Variants in PARP16 observed in about 807,000 individuals in gnomAD.
PARP16 encodes the protein protein mono-ADP-ribosyltransferase PARP16.
PARP16 carries 31 observed loss-of-function variants against 35.0 expected under a neutral mutation model. That is an observed-to-expected ratio of 0.88 (90% CI 0.66 to 1.19). The LOEUF (loss-of-function observed/expected upper bound fraction) is 1.19. Among genes scored for constraint, PARP16 ranks in the 50% most tolerant of loss-of-function variants. The probability of loss-of-function intolerance (pLI) is 0.00; values close to 1 mark genes in which losing one functional copy is unlikely to be tolerated. For synonymous variants in PARP16, 162 were observed against 169.5 expected (o/e 0.96, Z 0.34); for missense variants, 424 against 411.2 (o/e 1.03, Z -0.27).
At chr15:65,253,301 G>C (rs1252026551), downstream of PARP16, among the ~76,000 whole-genome samples, 4 of 151,922 alleles carry the variant, frequency 2.6e-5, no homozygotes, top group Admixed American at 2.6e-4. Context: ...ACAATGTCTT[G>C]TCAATGCATT....
chr15:65,274,363 C>G (rs563845559), intron 1 of PARP16, among the ~76,000 whole-genome samples: 2 of 151,702 alleles, frequency 1.3e-5, no homozygotes, highest in African/African-American at 2.4e-5. Context: ...GTGCTCAACA[C>G]CAGCAGGGGC....
At chr15:65,267,678 CTTTTTTTTTTTTT>C (rs556058787) in intron 2 of PARP16, among the ~76,000 whole-genome samples, 5 of 53,058 alleles carry the variant, frequency 9.4e-5, no homozygotes, top group Middle Eastern at 0.017. Flanking sequence ...ATTTTCCTAA[CTTTTTTTTTTTTT>C]TTTTTTTTTT....
At position 65,259,331 on chromosome 15, in the gene PARP16, A is replaced by G. The variant is rs1299999714; in HGVS notation, c.*76T>C. On this transcript the variant is annotated 3_prime_UTR_variant, in exon 6 of 6. Transcript: ENST00000649807. ...GCCCCTAGGCTCAACCTGGCTGGAC[A>G]TGAGGCATAGGAGGTACAGAACAAG... 1 of 1,487,142 alleles carries G rather than the reference A, an allele frequency of 6.7e-7. No individual in the cohort carries two copies. The highest frequency in any genetic ancestry group is 9.3e-7 in the Non-Finnish European group (1 of 1,073,032). The allele number at this position is 1,487,142 out of a possible 1,614,324, so 92.1% of individuals were successfully genotyped here.
rs529821763 is a variant in PARP16, at chr15:65,258,180, T to G, written c.*1227A>C. 9 of 152,234 alleles carry G rather than the reference T, an allele frequency of 5.9e-5. No homozygotes were observed. 9.4% of individuals were successfully genotyped at this position (152,234 alleles called of 1,614,324 possible). A position where few individuals can be genotyped will look rare whatever the true frequency, so the allele number is the denominator to read the frequency against. ...TGTGGTAGTGGCTCTTTCACAACTT[T>G]ACAAATTATAGAAAAATGATTTTTC... On this transcript the variant is annotated 3_prime_UTR_variant, in exon 6 of 6. Coordinates refer to ENST00000649807, the MANE Select transcript of PARP16 (RefSeq NM_001316943.2).
intron 3 of PARP16, among the ~76,000 whole-genome samples, chr15:65,265,845 C>A (rs1022764849): frequency 6.6e-6 from 1 of 152,248 alleles, no homozygotes. Context: ...TTTAAAGCAA[C>A]TGATGCCTGT....
rs11857550 is a variant in PARP16, at chr15:65,275,101, C to T, written c.175-4029G>A. Among the ~76,000 whole-genome samples the T allele has an allele frequency of 5.8e-3, 883 of 151,144 alleles. 9 individuals carry two copies. Among genetic ancestry groups the T allele is most frequent in the African/African-American group, 0.02 (843 of 41,152 alleles). ...CTGCACTCCAGCCTGGGTGACACAG[C>T]GAGACCCTGTCTCAAAAAAAAAAAA... On this transcript the variant is annotated intron_variant, in intron 1 of 5. Coordinates refer to ENST00000649807, the MANE Select transcript of PARP16 (RefSeq NM_001316943.2).
chr15:65,265,826 T>C (rs1198344984), intron 3 of PARP16, among the ~76,000 whole-genome samples: 5 of 152,258 alleles, frequency 3.3e-5, no homozygotes, highest in Admixed American at 6.5e-5. Context: ...TGGGATCACC[T>C]GGAGAGCTTT....
At chr15:65,234,174 T>C (rs1426700333), downstream of PARP16, among the ~76,000 whole-genome samples, 1 of 152,162 alleles carries the variant, frequency 6.6e-6, no homozygotes, top group Non-Finnish European at 1.5e-5. Context: ...GGCCCAAGAA[T>C]AAGAATGTTG....
At position 65,261,009 on chromosome 15, in the gene PARP16, G is replaced by C. The variant is rs770884909; in HGVS notation, c.709C>G (p.Arg237Gly). ...CTATGTTTGATTCTCGCTCGTCTGC[G>C]ATCTATCTCCTTGGAATCTGAATAA... ...TKKKDSKEID[R>G]RRARIKHSEG... The change falls in exon 5 of 6, where the codon CGC (arginine) becomes GGC (glycine). Residue 237 changes from arginine (R) to glycine (G), a missense_variant. Physicochemically the swap from Arg to Gly is moderately radical, Grantham distance 125. Coordinates refer to ENST00000649807, the MANE Select transcript of PARP16 (RefSeq NM_001316943.2). 6.2e-7 allele frequency: 1 copy of C among 1,613,650 alleles called. No individual in the cohort carries two copies. Among genetic ancestry groups the C allele is most frequent in the East Asian group, 2.2e-5 (1 of 44,840 alleles).
downstream of PARP16, among the ~76,000 whole-genome samples, chr15:65,231,215 A>G (rs1439693108): frequency 1.3e-5 from 2 of 152,010 alleles, no homozygotes; most frequent in Non-Finnish European, 2.9e-5. Flanking sequence ...AACAGCTTAT[A>G]ACTGGGTTCA....
At chr15:65,249,334 G>A (rs1270980019) in intron 2 of PARP16, among the ~76,000 whole-genome samples, 4 of 152,078 alleles carry the variant, frequency 2.6e-5, no homozygotes, top group African/African-American at 9.7e-5. Flanking sequence ...GGGGGTGAAG[G>A]GGCTCCCACC....
At chr15:65,248,976 T>C (rs756021910) in intron 2 of PARP16, among the ~76,000 whole-genome samples, 4 of 152,140 alleles carry the variant, frequency 2.6e-5, no homozygotes, top group East Asian at 1.9e-4. Flanking sequence ...CCCAGCTCTA[T>C]TGCCAACTAG....
downstream of PARP16, among the ~76,000 whole-genome samples, chr15:65,254,041 C>G (rs1325380147): frequency 1.3e-5 from 2 of 152,144 alleles, no homozygotes; most frequent in Non-Finnish European, 2.9e-5. Context: ...TGGTCTTGAT[C>G]TCCTGACGTC....
intron 1 of PARP16, among the ~76,000 whole-genome samples, chr15:65,282,070 G>A (rs2090437021): frequency 6.6e-6 from 1 of 152,190 alleles, no homozygotes; most frequent in Non-Finnish European, 1.5e-5. Flanking sequence ...GGAGTGCAGT[G>A]GCACAATCAC....
chr15:65,265,666 A>G (rs747059919), intron 3 of PARP16, among the ~76,000 whole-genome samples: 7 of 152,162 alleles, frequency 4.6e-5, no homozygotes, highest in East Asian at 1.9e-4. Flanking sequence ...TCAAACTTCA[A>G]TATGCATACA....
At chr15:65,285,542 G>T (rs2090564247) in intron 1 of PARP16, 3 of 383,128 alleles carry the variant, frequency 7.8e-6, no homozygotes, top group South Asian at 4.4e-5. Context: ...GCTCTTCCAT[G>T]GCAAGGAAGG....
chr15:65,231,287 T>C (rs1160299217), downstream of PARP16, among the ~76,000 whole-genome samples: 1 of 152,198 alleles, frequency 6.6e-6, no homozygotes, highest in Non-Finnish European at 1.5e-5. Flanking sequence ...CATTTACATT[T>C]ATTAATATAC....
downstream of PARP16, among the ~76,000 whole-genome samples, chr15:65,231,940 ACTTTT>A (rs1233806218): frequency 6.6e-6 from 1 of 151,594 alleles, no homozygotes; most frequent in African/African-American, 2.4e-5. Flanking sequence ...GTTTTTTCTT[ACTTTT>A]AAGATATCTT....
chr15:65,271,592 T>C (rs554395331), intron 1 of PARP16, among the ~76,000 whole-genome samples: 2 of 152,028 alleles, frequency 1.3e-5, no homozygotes, highest in Non-Finnish European at 2.9e-5. Context: ...TTTGTTTTTT[T>C]TTAAACTCTT....
Sources: gnomAD v4.1 joint callset for allele counts (sites outside exome capture counted in the v4.1 genomes callset) on GRCh38, gnomAD v4.1.1 for gene constraint, MANE v1.5 for transcripts, NCBI Gene and HGNC (gene_info 2026-07-23, HGNC 2026-07-21) for gene names.